The following FYB2 variants were observed in gnomAD, a reference collection of about 807,000 sequenced individuals.
FYB2 encodes FYN binding protein 2.
In FYB2, 103 loss-of-function variants were observed where a neutral mutation model predicts 94.1. That is an observed-to-expected ratio of 1.09 (90% CI 0.93 to 1.29). The LOEUF is 1.29. Ranked by LOEUF, FYB2 falls within the 50% of genes most tolerant of loss-of-function variation. The pLI is 0.00. For synonymous variants in FYB2, 293 were observed against 287.9 expected, an observed-to-expected ratio of 1.02 and a Z score of -0.18; for missense variants, 896 against 841.5, an observed-to-expected ratio of 1.06 and a Z score of -0.80.
In FYB2 at chr1:56,792,567, A is replaced by G; in HGVS notation, c.246T>C (p.Ala82=). Residue 82 remains alanine (A), a synonymous_variant, in exon 2 of 20, where the codon GCT becomes GCC. Transcript: ENST00000343433. ...AACATTTTGGAATTTCACTCTTCTG[A>G]GCCAACTTTATTTTCTGAGGTTGAA... ...QPLQPQKIKL[A]QKSEIPKCSN... is the part of the protein sequence containing the mutation. 6.2e-7 allele frequency: 1 copy of G among 1,614,092 alleles called. No individual in the cohort carries two copies. Among genetic ancestry groups the G allele is most frequent in the Non-Finnish European group, 8.5e-7 (1 of 1,180,006 alleles).
At chr1:56,794,160 G>T (rs1646341053) in intron 1 of FYB2, among the ~76,000 whole-genome samples, 2 of 152,096 alleles carry the variant, frequency 1.3e-5, no homozygotes, top group Non-Finnish European at 2.9e-5. Flanking sequence ...GCTCCAATTT[G>T]GTATATGAAA....
rs1644968825 is a variant in FYB2 at position 56,742,123 on chromosome 1, G to A, written c.1604+38C>T. The A allele has an allele frequency of 1.9e-6, 3 of 1,555,510 alleles. No individual in the cohort carries two copies. The African/African-American group carries it at 4.1e-5, about 21-fold the overall frequency. The stretch of plus-strand genomic sequence containing the variant: ...TCTGGCTTTACTAGACTAACAGGAA[G>A]TCATTAGCCTACAAAGCCAAGAAAG... On this transcript the variant is annotated intron_variant, in intron 12 of 19. Coordinates refer to ENST00000343433, the MANE Select transcript of FYB2 (RefSeq NM_001004303.5).
At chr1:56,777,960 AT>A (rs869074111) in intron 4 of FYB2, among the ~76,000 whole-genome samples, 4 of 152,010 alleles carry the variant, frequency 2.6e-5, no homozygotes, top group African/African-American at 9.7e-5. Context: ...GTTTTTAATA[AT>A]TTTTTTAAAA....
At chr1:56,825,068 T>C in the FYB2 span, 1 of 152,266 alleles carries the variant, frequency 6.6e-6, no homozygotes, top group Non-Finnish European at 1.5e-5. Flanking sequence ...ACAATCTGCA[T>C]GCACATCAGC....
chr1:56,730,091 A>G (rs1251247422), intron 15 of FYB2, among the ~76,000 whole-genome samples: 1 of 152,012 alleles, frequency 6.6e-6, no homozygotes, highest in East Asian at 1.9e-4. Flanking sequence ...AAAGATTTCA[A>G]AAAACAATCT....
At chr1:56,779,043 G>T (rs1465789480) in intron 4 of FYB2, among the ~76,000 whole-genome samples, 1 of 152,120 alleles carries the variant, frequency 6.6e-6, no homozygotes, top group Non-Finnish European at 1.5e-5. Context: ...AGGGAAGTTT[G>T]TTGTGTTTGA....
chr1:56,724,031 T>C (rs1644537976), intron 16 of FYB2, among the ~76,000 whole-genome samples: 1 of 151,944 alleles, frequency 6.6e-6, no homozygotes, highest in African/African-American at 2.4e-5. Context: ...AACAAGAAAC[T>C]TGTCTGAATG....
At chr1:56,799,258 TACAAATATATTG>T (rs67227464) in intron 1 of FYB2, among the ~76,000 whole-genome samples, 38,820 of 151,960 alleles carry the variant, frequency 0.26, 5,151 homozygotes, top group East Asian at 0.32. Context: ...GCAATAAATA[TACAAATATATTG>T]ACAAATATAC....
At chr1:56,735,189 C>T (rs1408445461) in intron 15 of FYB2, among the ~76,000 whole-genome samples, 1 of 151,906 alleles carries the variant, frequency 6.6e-6, no homozygotes, top group Non-Finnish European at 1.5e-5. Context: ...ATGCAATAGC[C>T]AACATATGGA....
intron 3 of FYB2, 82 bp from the exon 4 acceptor site, chr1:56,787,290 T>C (rs2100939165): frequency 6.5e-7 from 1 of 1,532,334 alleles, no homozygotes; most frequent in Non-Finnish European, 9.0e-7. Flanking sequence ...GATGACTTGA[T>C]CCCACAGATA....
At chr1:56,785,975 G>T (rs1204886994) in intron 4 of FYB2, among the ~76,000 whole-genome samples, 2 of 152,172 alleles carry the variant, frequency 1.3e-5, no homozygotes, top group African/African-American at 4.8e-5. Context: ...CACAGTAAAG[G>T]CTTGAAAAGT....
chr1:56,771,725 C>T (rs1645760439), intron 4 of FYB2, among the ~76,000 whole-genome samples: 1 of 152,112 alleles, frequency 6.6e-6, no homozygotes, highest in African/African-American at 2.4e-5. Flanking sequence ...TACACATAAC[C>T]TCTGAACGTT....
Position 56,792,317 on chromosome 1 carries a change from C to T in FYB2, c.496G>A (p.Ala166Thr), listed in dbSNP as rs1199803281. 1 of 1,614,070 alleles carries T rather than the reference C, an allele frequency of 6.2e-7. No homozygotes were observed. The highest frequency in any genetic ancestry group is 8.5e-7 in the Non-Finnish European group (1 of 1,179,996). ...CCTTTTTGCCCTTCCAGATGGATGG[C>T]CTTACTTCCATAGTTGGCAAGGAGA... ...ALLLANYGSK[A>T]IHLEGQKGMG... Residue 166 changes from alanine (A) to threonine (T), a missense_variant, in exon 2 of 20, where the codon GCC becomes ACC. Transcript: ENST00000343433.
chr1:56,759,398 C>A (rs1190705947), intron 5 of FYB2, among the ~76,000 whole-genome samples: 1 of 152,108 alleles, frequency 6.6e-6, no homozygotes, highest in Non-Finnish European at 1.5e-5. Context: ...TAGCCTACTA[C>A]CTTCCTAGGA....
At chr1:56,783,363 C>T (rs752489830) in intron 4 of FYB2, among the ~76,000 whole-genome samples, 51 of 152,102 alleles carry the variant, frequency 3.4e-4, no homozygotes, top group Non-Finnish European at 3.4e-4. Context: ...TACAATGTCA[C>T]CTCTCATGTT....
chr1:56,753,690 T>A (rs1240973805), intron 8 of FYB2, 149 bp downstream of exon 8: 12 of 604,280 alleles, frequency 2.0e-5, no homozygotes, highest in Admixed American at 1.5e-4. Context: ...TTAGTGTCAT[T>A]GTTACATTTA....
At chr1:56,797,581 G>T (rs1646428961) in intron 1 of FYB2, among the ~76,000 whole-genome samples, 1 of 152,082 alleles carries the variant, frequency 6.6e-6, no homozygotes, top group Non-Finnish European at 1.5e-5. Flanking sequence ...AGGCCCTGAG[G>T]GTGTGGCCGC....
Position 56,738,615 on chromosome 1 carries a change from T to G in FYB2, c.1732+10A>C, listed in dbSNP as rs753799918. ...GTACTTTTGGTCTGCAATAAGCAAA[T>G]GGCACTTACCTAAATCAGGCAGCAA... On this transcript the variant is annotated intron_variant, in intron 14 of 19. Transcript: ENST00000343433. 6.2e-7 allele frequency: 1 copy of G among 1,609,052 alleles called. No individual in the cohort carries two copies. The highest frequency in any genetic ancestry group is 1.7e-5 in the Admixed American group (1 of 59,592).
upstream of FYB2, chr1:56,824,314 C>T (rs6682939): frequency 0.12 from 17,700 of 152,428 alleles, 1,357 homozygotes; most frequent in Non-Finnish European, 0.17. Flanking sequence ...TCCAAGATGG[C>T]GCCTTGAACA....
Sources: allele counts gnomAD v4.1 joint callset (sites outside exome capture counted in the v4.1 genomes callset), GRCh38; gene constraint gnomAD v4.1.1; transcripts MANE v1.5; gene names NCBI Gene and HGNC (gene_info 2026-07-23, HGNC 2026-07-21).